RPP21: variants seen among roughly 807,000 people sequenced by gnomAD.
RPP21 encodes ribonuclease P subunit p21.
RPP21 carries 21 observed loss-of-function variants against 19.0 expected under a neutral mutation model. That is an observed-to-expected ratio of 1.11 (90% CI 0.78 to 1.59). RPP21 has a LOEUF of 1.59. RPP21 is among the 40% of genes most tolerant of loss of function. The pLI is 0.00. For missense variants in RPP21, 215 were observed against 200.2 expected (o/e 1.07, Z -0.45); for synonymous variants, 93 against 78.7 (o/e 1.18, Z -0.96).
Position 30,345,476 on chromosome 6 carries a change from C to G in RPP21, c.159-15C>G. The G allele has an allele frequency of 4.3e-6, 7 of 1,610,348 alleles. No individual in the cohort carries two copies. Among genetic ancestry groups the G allele is most frequent in the Non-Finnish European group, 5.9e-6 (7 of 1,178,542 alleles). ...GGAGCGCGGGCGCCAGACCACTATCCTCCTCCGCCCCCAGGGATCCCTCGG... is the reference window on the plus strand; with the variant it reads ...GGAGCGCGGGCGCCAGACCACTATCGTCCTCCGCCCCCAGGGATCCCTCGG... On this transcript the variant is annotated splice_polypyrimidine_tract_variant and intron_variant, in intron 2 of 4. Coordinates refer to ENST00000442966, the MANE Select transcript of RPP21 (RefSeq NM_024839.4).
In RPP21 at chr6:30,345,702, A is replaced by G. The variant is rs575904187; in HGVS notation, c.241+129A>G. Reference sequence around the variant, plus strand: ...GATGGATGTTGGGTGTGGGATTCGCAGGAGTCTTCCTTCTTCGGGTTTGGA... The same window carrying G: ...GATGGATGTTGGGTGTGGGATTCGCGGGAGTCTTCCTTCTTCGGGTTTGGA... On this transcript the variant is annotated intron_variant, in intron 3 of 4. Transcript: ENST00000442966. 6.3e-6 allele frequency: 7 copies of G among 1,107,296 alleles called. No homozygotes were observed. The East Asian group carries it at 1.6e-4, about 26-fold the overall frequency. 68.6% of individuals were successfully genotyped at this position (1,107,296 alleles called of 1,614,324 possible). A position where few individuals can be genotyped will look rare whatever the true frequency, so the allele number is the denominator to read the frequency against.
rs1788172898 is a variant in RPP21, at chr6:30,346,554, G to A, written c.364G>A (p.Ala122Thr). 4 of 1,614,168 alleles carry A rather than the reference G, an allele frequency of 2.5e-6. No individual in the cohort carries two copies. In the Admixed American group the frequency reaches 6.7e-5, roughly 27 times the overall value. The stretch of plus-strand genomic sequence containing the variant: ...GCCTGAGGCCCAGCTCGGGAGCCAA[G>A]CAGGTGAGAGGTGAGGGAGAAAATG... ...DRPEAQLGSQ[A>T]DSKPLQPLPN... The change falls in exon 4 of 5, where the codon GCA (alanine) becomes ACA (threonine). Residue 122 changes from alanine (A) to threonine (T), a missense_variant. Coordinates refer to ENST00000442966, the MANE Select transcript of RPP21 (RefSeq NM_024839.4). The surrounding 1 kb of genome is among the most constrained non-coding windows in gnomAD (Gnocchi z 4.7).
chr6:30,345,624 G>A lies in RPP21; in HGVS notation c.241+51G>A, dbSNP rs754932563. On this transcript the variant is annotated intron_variant, in intron 3 of 4. Transcript: ENST00000442966. ...ACTGCGGAGCATTGGGGGCGCGGAG[G>A]GGGGCGGGGTGGGGGGCGGGCACTG... 4.4e-4 allele frequency: 637 copies of A among 1,443,716 alleles called. 1 individual carries two copies. Among genetic ancestry groups the A allele is most frequent in the Non-Finnish European group, 5.5e-4 (593 of 1,083,566 alleles). The allele number at this position is 1,443,716 out of a possible 1,614,324, so 89.4% of individuals were successfully genotyped here. A position where few individuals can be genotyped will look rare whatever the true frequency, so the allele number is the denominator to read the frequency against.
In RPP21 at chr6:30,345,556, G is replaced by A. The variant is rs147301923; in HGVS notation, c.224G>A (p.Cys75Tyr). Residue 75 changes from cysteine to tyrosine, a missense_variant, in exon 3 of 5, where the codon TGC (cysteine) becomes TAC (tyrosine). Transcript: ENST00000442966. ...TCCCTCCTCGTCCCGGGCCTCACCT[G>A]CACCCAGCGCCAGAGACGTGAGTGC... is the stretch of plus-strand genomic sequence containing the variant. ...CSSLLVPGLT[C>Y]TQRQRRCRGQ... 7.8e-6 allele frequency: 11 copies of A among 1,406,178 alleles called. No individual in the cohort carries two copies. The highest frequency in any genetic ancestry group is 1.0e-5 in the Non-Finnish European group (11 of 1,055,280). 87.1% of individuals were successfully genotyped at this position (1,406,178 alleles called of 1,614,324 possible).
At chr6:30,345,911 A>G (rs1788112985) in intron 3 of RPP21, 1 of 315,630 alleles carries the variant, frequency 3.2e-6, no homozygotes, top group Middle Eastern at 9.0e-4. Flanking sequence ...GCAAATACTT[A>G]TTTTCTAAAA....
Position 30,346,685 on chromosome 6 carries a change from G to A in RPP21, c.368-28G>A. 3 of 1,613,946 alleles carry A rather than the reference G, an allele frequency of 1.9e-6. No homozygotes were observed. Among genetic ancestry groups the A allele is most frequent in the Non-Finnish European group, 2.5e-6 (3 of 1,180,010 alleles). Reference sequence around the variant, plus strand: ...GTACCACAGTCAGAAAACTAATTCTGTTTCTCTGATTCTGCTCATTTACTC... The same window carrying A: ...GTACCACAGTCAGAAAACTAATTCTATTTCTCTGATTCTGCTCATTTACTC... On this transcript the variant is annotated intron_variant, in intron 4 of 4. Transcript: ENST00000442966. This position sits in a 1 kb window ranked among gnomAD's most constrained non-coding sequence, Gnocchi z 4.7.
At position 30,346,841 on chromosome 6, in the gene RPP21, A is replaced by G; in HGVS notation, c.*31A>G. 2 of 1,610,206 alleles carry G rather than the reference A, an allele frequency of 1.2e-6. No individual in the cohort carries two copies. The highest frequency in any genetic ancestry group is 1.7e-6 in the Non-Finnish European group (2 of 1,177,672). ...TCACCCCATCTCCCAAATAAAGTTT[A>G]CTTGTTTTACATTCCATGATTCTGT... On this transcript the variant is annotated 3_prime_UTR_variant, in exon 5 of 5. Coordinates refer to ENST00000442966, the MANE Select transcript of RPP21 (RefSeq NM_024839.4). This position sits in a 1 kb window ranked among gnomAD's most constrained non-coding sequence, Gnocchi z 4.7.
At chr6:30,345,746 T>A in intron 3 of RPP21, 173 bp downstream of exon 3, 3 of 741,702 alleles carry the variant, frequency 4.0e-6, no homozygotes, top group Non-Finnish European at 6.1e-6. Flanking sequence ...CTAACGCCAC[T>A]TGCACAAACT....
rs1788007126 is a variant in RPP21 at position 30,345,388 on chromosome 6, G to A, written c.148G>A (p.Val50Ile). 1.9e-6 allele frequency: 3 copies of A among 1,612,584 alleles called. No individual in the cohort carries two copies. The highest frequency in any genetic ancestry group is 2.5e-6 in the Non-Finnish European group (3 of 1,179,760). The change falls in exon 2 of 5, where the codon GTC becomes ATC. Residue 50 changes from valine to isoleucine, a missense_variant. Transcript: ENST00000442966. ...YTERTIAKRL[V>I]LRRDPSVKRT... The stretch of plus-strand genomic sequence containing the variant: ...TGAGAGGACCATTGCGAAGCGGCTC[G>A]TCTTGCGGCGGTGAGACAGCCACGG...
rs755215524 is a variant in RPP21 at position 30,345,395 on chromosome 6, G to C, written c.155G>C (p.Arg52Pro). The change falls in exon 2 of 5, where the codon CGG becomes CCG. Residue 52 changes from arginine to proline, a missense_variant. By Grantham distance (103) the Arg-to-Pro change is moderately radical. Transcript: ENST00000442966. Reference protein sequence around the residue: ...ERTIAKRLVLRRDPSVKRTLC... With the variant: ...ERTIAKRLVLPRDPSVKRTLC... The stretch of plus-strand genomic sequence containing the variant: ...ACCATTGCGAAGCGGCTCGTCTTGC[G>C]GCGGTGAGACAGCCACGGGGCGGGC... The C allele has an allele frequency of 1.4e-4, 225 of 1,612,556 alleles. 1 individual carries two copies. Among genetic ancestry groups the C allele is most frequent in the Non-Finnish European group, 1.7e-4 (198 of 1,179,726 alleles).
At chr6:30,345,276 A>G (rs1229850384) in intron 1 of RPP21, 22 bp from the exon 2 acceptor site, 7 of 1,613,480 alleles carry the variant, frequency 4.3e-6, no homozygotes, top group Non-Finnish European at 5.9e-6. Flanking sequence ...GGCGTCCCAG[A>G]GTGACTGCTC....
intron 3 of RPP21, 115 bp downstream of exon 3, chr6:30,345,688 G>A (rs1322196702): frequency 1.7e-6 from 2 of 1,211,898 alleles, no homozygotes; most frequent in East Asian, 5.3e-5. Flanking sequence ...ATGGATGTTG[G>A]GTGTGGGATT....
chr6:30,345,870 A>C, intron 3 of RPP21: 1 of 410,868 alleles, frequency 2.4e-6, no homozygotes. Flanking sequence ...GGCTTTGTGG[A>C]GGACGATTCC....
rs1471839433 is a variant in RPP21 at position 30,346,286 on chromosome 6, C to T, written c.242-146C>T. ...TCCAGGAAATCGATGGAGCTTATGC[C>T]GAGGCCTGACACCATCAAATGTGCA... On this transcript the variant is annotated intron_variant, in intron 3 of 4. Transcript: ENST00000442966. This position sits in a 1 kb window ranked among gnomAD's most constrained non-coding sequence, Gnocchi z 4.7. The T allele has an allele frequency of 3.7e-6, 5 of 1,363,438 alleles. No individual in the cohort carries two copies. The highest frequency in any genetic ancestry group is 2.5e-5 in the Admixed American group (1 of 40,000). The allele number at this position is 1,363,438 out of a possible 1,614,324, so 84.5% of individuals were successfully genotyped here.
rs201166282 is a variant in RPP21, at chr6:30,346,487, A to G, written c.297A>G (p.Gln99=). ...CCTGCCTAACATGCCAGCGCAGCCA[A>G]CGCTTCCTCAATGATCCCGGGCATT... The part of the protein sequence containing the change: ...VQTCLTCQRS[Q]RFLNDPGHLL... Residue 99 remains glutamine, a synonymous_variant, in exon 4 of 5, where the codon CAA becomes CAG. Coordinates refer to ENST00000442966, the MANE Select transcript of RPP21 (RefSeq NM_024839.4). The surrounding 1 kb of genome is among the most constrained non-coding windows in gnomAD (Gnocchi z 4.7). 50 of 1,614,100 alleles carry G rather than the reference A, an allele frequency of 3.1e-5. No homozygotes were observed. In the East Asian group the frequency reaches 4.9e-4, roughly 16 times the overall value.
intron 2 of RPP21, 25 bp downstream of exon 2, chr6:30,345,423 C>T (rs969006340): frequency 1.2e-6 from 2 of 1,607,726 alleles, no homozygotes; most frequent in African/African-American, 1.4e-5. Flanking sequence ...GGGCGGGCGG[C>T]GGGCGGGACG....
rs879835922 is a variant in RPP21 at position 30,345,228 on chromosome 6, G to A, written c.57G>A (p.Gln19=). 6.2e-7 allele frequency: 1 copy of A among 1,607,318 alleles called. No individual in the cohort carries two copies. The highest frequency in any genetic ancestry group is 2.2e-5 in the East Asian group (1 of 44,742). The part of the protein sequence containing the change: ...EAFQRLNFLY[Q]AAHCVLAQDP... ...TCCAGAGGCTCAACTTCCTGTACCA[G>A]GTGAGTCTGCGACAAGGGCCCCACG... The change falls in exon 1 of 5, where the codon CAG becomes CAA. Residue 19 remains glutamine (Q), a splice_region_variant and synonymous_variant. Coordinates refer to ENST00000442966, the MANE Select transcript of RPP21 (RefSeq NM_024839.4).
chr6:30,345,632 G>A, intron 3 of RPP21, 59 bp downstream of exon 3: 1 of 1,392,830 alleles, frequency 7.2e-7, no homozygotes, highest in Admixed American at 2.5e-5. Flanking sequence ...AGGGGGGCGG[G>A]GTGGGGGGCG....
Position 30,346,124 on chromosome 6 carries a change from G to A in RPP21, c.242-308G>A, listed in dbSNP as rs1478520102. 2.9e-6 allele frequency: 1 copy of A among 341,156 alleles called. No homozygotes were observed. Among genetic ancestry groups the A allele is most frequent in the Non-Finnish European group, 5.4e-6 (1 of 186,754 alleles). 21.1% of individuals were successfully genotyped at this position (341,156 alleles called of 1,614,324 possible). On this transcript the variant is annotated intron_variant, in intron 3 of 4. Transcript: ENST00000442966. This position sits in a 1 kb window ranked among gnomAD's most constrained non-coding sequence, Gnocchi z 4.7. ...CATGTGTGCAGACTCTGAGACAAGA[G>A]AGCTTGTGGTGCTGTCAAAGAAATG...
Sources: gnomAD v4.1 joint callset for allele counts on GRCh38, gnomAD v4.1.1 for gene constraint, Gnocchi (gnomAD v3.1) non-coding constraint, MANE v1.5 for transcripts, NCBI Gene and HGNC (gene_info 2026-07-23, HGNC 2026-07-21) for gene names.